ARHGAP31: variants seen among roughly 807,000 people sequenced by gnomAD.
ARHGAP31 encodes the protein rho GTPase-activating protein 31.
In ARHGAP31, 34 loss-of-function variants were observed where a neutral mutation model predicts 113.9. That is an observed-to-expected ratio of 0.30 (90% confidence interval 0.23 to 0.40). The LOEUF is 0.40. Among genes scored for constraint, ARHGAP31 ranks in the 10% least tolerant of loss-of-function variants. The pLI, the probability that ARHGAP31 is intolerant of heterozygous loss-of-function variation, is 1.00. For synonymous variants in ARHGAP31, 650 were observed against 684.8 expected, an observed-to-expected ratio of 0.95 and a Z score of 0.79; for missense variants, 1,548 against 1,767.1, an observed-to-expected ratio of 0.88 and a Z score of 2.22.
chr3:119,367,510 T>C (rs2107623811), intron 2 of ARHGAP31, among the ~76,000 whole-genome samples: 1 of 152,294 alleles, frequency 6.6e-6, no homozygotes, highest in South Asian at 2.1e-4. Context: ...TGAATTCATC[T>C]GTCCTGTAGG....
intron 1 of ARHGAP31, among the ~76,000 whole-genome samples, chr3:119,336,175 C>CA (rs2079944967): frequency 1.3e-5 from 2 of 151,850 alleles, no homozygotes; most frequent in South Asian, 2.1e-4. Flanking sequence ...AACTTGGTCT[C>CA]AAAAAAACAA....
intron 1 of ARHGAP31, among the ~76,000 whole-genome samples, chr3:119,354,738 G>C (rs2080141456): frequency 6.8e-6 from 1 of 147,910 alleles, no homozygotes; most frequent in African/African-American, 2.5e-5. Flanking sequence ...ATGTTGGTCA[G>C]GCTGGTCTTG....
intron 3 of ARHGAP31, among the ~76,000 whole-genome samples, chr3:119,376,697 C>T (rs1248840381): frequency 2.6e-5 from 4 of 151,868 alleles, no homozygotes; most frequent in African/African-American, 9.7e-5. Context: ...CTCCCCTGTG[C>T]CCTACACTAC....
At chr3:119,354,473 GGTTTGT>G (rs1209087432) in intron 1 of ARHGAP31, among the ~76,000 whole-genome samples, 3 of 90,916 alleles carry the variant, frequency 3.3e-5, no homozygotes, top group Non-Finnish European at 6.6e-5. Flanking sequence ...GTGTGTGTGT[GGTTTGT>G]GTGTGTGTGT....
chr3:119,373,388 T>A (rs182086465), intron 3 of ARHGAP31, among the ~76,000 whole-genome samples: 1 of 152,274 alleles, frequency 6.6e-6, no homozygotes, highest in African/African-American at 2.4e-5. Flanking sequence ...AAATAAATAA[T>A]TTTTAATGTT....
rs545356286 is a variant in ARHGAP31, at chr3:119,345,108, CTGAG to C, written c.101-20206_101-20203del. Among the ~76,000 whole-genome samples, 153 of 152,172 alleles carry C rather than the reference CTGAG, an allele frequency of 1.0e-3. 1 individual carries two copies. Among genetic ancestry groups the C allele is most frequent in the Middle Eastern group, 6.8e-3 (2 of 294 alleles). On this transcript the variant is annotated intron_variant, in intron 1 of 11. Transcript: ENST00000264245. ...CACGCCATTCTCTTGCTTCAGCCTC[CTGAG>C]TAACTGGGACTACAGGTGCCTGCCA... is the stretch of plus-strand genomic sequence containing the variant.
chr3:119,396,080 T>C (rs56008261), intron 8 of ARHGAP31, among the ~76,000 whole-genome samples: 89,308 of 152,024 alleles, frequency 0.59, 26,461 homozygotes, highest in African/African-American at 0.64. Context: ...AGTCAAAAAA[T>C]AACAAAACAA....
chr3:119,409,810 GGA>G, intron 11 of ARHGAP31, 34 bp downstream of exon 11: 2 of 1,551,280 alleles, frequency 1.3e-6, no homozygotes, highest in Non-Finnish European at 1.7e-6. Context: ...CCAGCCAGGT[GGA>G]GTTATTTTTT....
intron 1 of ARHGAP31, among the ~76,000 whole-genome samples, chr3:119,307,940 C>CAAAACAAAAAAAAAA (rs2079644524): frequency 2.2e-5 from 1 of 45,452 alleles, no homozygotes; most frequent in Non-Finnish European, 3.7e-5. Flanking sequence ...GAATTAACAG[C>CAAAACAAAAAAAAAA]AAAAAAAAAA....
chr3:119,332,718 C>T (rs954832824), intron 1 of ARHGAP31, among the ~76,000 whole-genome samples: 2 of 149,382 alleles, frequency 1.3e-5, no homozygotes, highest in Non-Finnish European at 3.0e-5. Flanking sequence ...GTACTCATTA[C>T]TCATGCAGCC....
intron 8 of ARHGAP31, among the ~76,000 whole-genome samples, chr3:119,398,274 AT>A (rs1289788919): frequency 1.2e-4 from 19 of 152,194 alleles, no homozygotes; most frequent in Admixed American, 1.2e-3. Context: ...TCTTAAAAAA[AT>A]AAATAAATAA....
At chr3:119,348,433 C>T (rs1271916317) in intron 1 of ARHGAP31, among the ~76,000 whole-genome samples, 1 of 152,140 alleles carries the variant, frequency 6.6e-6, no homozygotes, top group Non-Finnish European at 1.5e-5. Flanking sequence ...ACTGCCTCCT[C>T]CTATAAGGAG....
At chr3:119,381,762 C>G (rs143941440) in intron 4 of ARHGAP31, among the ~76,000 whole-genome samples, 194 of 152,162 alleles carry the variant, frequency 1.3e-3, no homozygotes, top group African/African-American at 4.3e-3. Context: ...CCCAGGCGGG[C>G]GAGCACGAGG....
intron 8 of ARHGAP31, among the ~76,000 whole-genome samples, chr3:119,395,776 T>C (rs962796414): frequency 1.1e-4 from 16 of 152,190 alleles, no homozygotes; most frequent in Admixed American, 9.8e-4. Context: ...ACAAGAGCTA[T>C]GTGCGAAGGG....
chr3:119,349,994 A>G (rs755395897), intron 1 of ARHGAP31, among the ~76,000 whole-genome samples: 15 of 152,228 alleles, frequency 9.9e-5, no homozygotes, highest in Non-Finnish European at 1.8e-4. Flanking sequence ...AAGAGATTTC[A>G]GTGCTAATAG....
chr3:119,399,080 T>A, intron 8 of ARHGAP31, 119 bp from the exon 9 acceptor site: 1 of 827,688 alleles, frequency 1.2e-6, no homozygotes, highest in Non-Finnish European at 2.0e-6. Flanking sequence ...GGGGATCAAT[T>A]ATACTTGAAA....
At chr3:119,384,696 C>G (rs138568658) in intron 6 of ARHGAP31, among the ~76,000 whole-genome samples, 61 of 152,288 alleles carry the variant, frequency 4.0e-4, no homozygotes, top group African/African-American at 1.4e-3. Context: ...GACCTGATCA[C>G]CTCATAAAGG....
At chr3:119,341,093 A>C (rs1452875987) in intron 1 of ARHGAP31, among the ~76,000 whole-genome samples, 6 of 152,140 alleles carry the variant, frequency 3.9e-5, no homozygotes, top group African/African-American at 1.4e-4. Flanking sequence ...AAAATGAATG[A>C]GTCTTGATGC....
intron 1 of ARHGAP31, among the ~76,000 whole-genome samples, chr3:119,321,108 A>C (rs1029430246): frequency 6.6e-6 from 1 of 152,050 alleles, no homozygotes; most frequent in Non-Finnish European, 1.5e-5. Context: ...TGTGAAAACG[A>C]ACTAATACAG....
Sources: gnomAD v4.1 joint callset for allele counts (sites outside exome capture counted in the v4.1 genomes callset) on GRCh38, gnomAD v4.1.1 for gene constraint, MANE v1.5 for transcripts, NCBI Gene and HGNC (gene_info 2026-07-23, HGNC 2026-07-21) for gene names.